Variants in RBFOX1 observed in about 807,000 individuals in gnomAD.
RBFOX1 encodes the protein RNA binding protein fox-1 homolog 1.
In RBFOX1, 8 loss-of-function variants were observed where a neutral mutation model predicts 57.7. That is an observed-to-expected ratio of 0.14 (90% CI 0.08 to 0.25). The LOEUF is 0.25. Ranked by LOEUF, RBFOX1 falls within the 10% of genes least tolerant of loss-of-function variation. The probability of loss-of-function intolerance (pLI) is 1.00; values close to 1 mark genes in which losing one functional copy is unlikely to be tolerated. For missense variants in RBFOX1, 611 were observed against 548.5 expected, an observed-to-expected ratio of 1.11 and a Z score of -1.14; for synonymous variants, 326 against 222.4, an observed-to-expected ratio of 1.47 and a Z score of -4.15.
At chr16:6,218,810 TTAAGCTTA>T (rs1477282400) in intron 1 of RBFOX1, among the ~76,000 whole-genome samples, 1 of 151,380 alleles carries the variant, frequency 6.6e-6, no homozygotes, top group African/African-American at 2.4e-5. Context: ...GGAATCTCAG[TTAAGCTTA>T]TTAGTTAAGT....
intron 2 of RBFOX1, among the ~76,000 whole-genome samples, chr16:5,591,557 G>C (rs1049113150): frequency 2.0e-5 from 3 of 152,118 alleles, no homozygotes; most frequent in Admixed American, 2.0e-4. Context: ...GGTCCAAAAT[G>C]AGCCTTTTAA....
intron 4 of RBFOX1, among the ~76,000 whole-genome samples, chr16:7,413,364 C>T (rs150211909): frequency 4.1e-4 from 62 of 152,172 alleles, no homozygotes; most frequent in Non-Finnish European, 7.1e-4. Context: ...GGGTCCCACA[C>T]ATCCCTGAAT....
At chr16:7,447,208 G>A (rs978691766) in intron 4 of RBFOX1, among the ~76,000 whole-genome samples, 1 of 151,876 alleles carries the variant, frequency 6.6e-6, no homozygotes, top group South Asian at 2.1e-4. Flanking sequence ...AAGGCTGGCA[G>A]ATTAATTGAG....
At chr16:5,979,437 A>T (rs1219164529) in intron 4 of RBFOX1, among the ~76,000 whole-genome samples, 1 of 152,226 alleles carries the variant, frequency 6.6e-6, no homozygotes, top group East Asian at 1.9e-4. Context: ...CAATGTGATT[A>T]GTGACTGTTG....
intron 4 of RBFOX1, among the ~76,000 whole-genome samples, chr16:7,511,667 C>G (rs1223164118): frequency 6.6e-6 from 1 of 151,684 alleles, no homozygotes; most frequent in Non-Finnish European, 1.5e-5. Context: ...TTTTAATAAT[C>G]CTTTTGCTCT....
At chr16:6,082,347 A>ATTTTTTTTTTTTTTTT (rs71142677) in intron 1 of RBFOX1, among the ~76,000 whole-genome samples, 14 of 41,040 alleles carry the variant, frequency 3.4e-4, no homozygotes, top group Admixed American at 9.3e-4. Context: ...CACCTGGCTA[A>ATTTTTTTTTTTTTTTT]TTTTTTTTTT....
chr16:7,505,657 C>A (rs2151938631), intron 4 of RBFOX1, among the ~76,000 whole-genome samples: 1 of 152,258 alleles, frequency 6.6e-6, no homozygotes, highest in African/African-American at 2.4e-5. Flanking sequence ...GCAAACATGA[C>A]ACCTCCTCAC....
intron 4 of RBFOX1, among the ~76,000 whole-genome samples, chr16:7,430,659 C>CAAAA (rs35088351): frequency 1.4e-5 from 2 of 138,784 alleles, no homozygotes; most frequent in East Asian, 2.1e-4. Flanking sequence ...GACTCCATCT[C>CAAAA]AAAAAAAAAA....
intron 4 of RBFOX1, among the ~76,000 whole-genome samples, chr16:7,516,843 T>C (rs908054434): frequency 1.5e-4 from 23 of 152,328 alleles, no homozygotes; most frequent in African/African-American, 5.5e-4. Flanking sequence ...ACTTTTTTTT[T>C]TTCCTCTCTT....
rs189447561 is a variant in RBFOX1 at position 6,563,837 on chromosome 16, T to A, written c.-63-90766T>A. On this transcript the variant is annotated intron_variant, in intron 2 of 15. Coordinates refer to ENST00000550418, the MANE Select transcript of RBFOX1 (RefSeq NM_018723.4). ...TGGGATCCTGTCTCCAAAAAAAAAA[T>A]ATATATATATGTGTGTGTGTGTGTG... Among the ~76,000 whole-genome samples the A allele has an allele frequency of 8.3e-3, 1,246 of 149,376 alleles. 8 individuals carry two copies. Among genetic ancestry groups the A allele is most frequent in the Middle Eastern group, 0.014 (4 of 292 alleles).
At chr16:5,816,149 C>T (rs1274607615) in intron 3 of RBFOX1, among the ~76,000 whole-genome samples, 2 of 152,124 alleles carry the variant, frequency 1.3e-5, no homozygotes, top group South Asian at 2.1e-4. Flanking sequence ...CAGCATTAAC[C>T]CCCAGTGGCT....
At chr16:6,378,244 G>C (rs1200771060) in intron 2 of RBFOX1, among the ~76,000 whole-genome samples, 1 of 152,174 alleles carries the variant, frequency 6.6e-6, no homozygotes, top group Non-Finnish European at 1.5e-5. Context: ...CGCACACTCG[G>C]GCACAGCTGC....
intron 3 of RBFOX1, among the ~76,000 whole-genome samples, chr16:5,682,292 G>A (rs752126907): frequency 6.6e-6 from 1 of 152,202 alleles, no homozygotes; most frequent in Non-Finnish European, 1.5e-5. Flanking sequence ...CCCCTTTGTG[G>A]TGGGGTGGGA....
At chr16:5,932,803 C>A (rs112547777) in intron 4 of RBFOX1, among the ~76,000 whole-genome samples, 1 of 151,998 alleles carries the variant, frequency 6.6e-6, no homozygotes, top group African/African-American at 2.4e-5. Context: ...CACGTGACCT[C>A]GGGTGCTTGG....
At chr16:7,692,558 G>C (rs1477211802) in intron 14 of RBFOX1, among the ~76,000 whole-genome samples, 1 of 152,100 alleles carries the variant, frequency 6.6e-6, no homozygotes, top group Non-Finnish European at 1.5e-5. Context: ...TACGAACCTA[G>C]CCAACCTCAT....
rs1388188472 is a variant in RBFOX1 at position 6,019,435 on chromosome 16, C to G, written c.-684C>G. ...CGGACGGCGGACGGAGCCCAGGGGCCGCGTCGGGTGGGGAAACCCGAACTC... is the reference window on the plus strand; with the variant it reads ...CGGACGGCGGACGGAGCCCAGGGGCGGCGTCGGGTGGGGAAACCCGAACTC... On this transcript the variant is annotated 5_prime_UTR_variant, in exon 1 of 16. Transcript: ENST00000550418. The surrounding 1 kb of genome is among the most constrained non-coding windows in gnomAD (Gnocchi z 4.2). 6 of 988,742 alleles carry G rather than the reference C, an allele frequency of 6.1e-6. No homozygotes were observed. The highest frequency in any genetic ancestry group is 1.7e-5 in the African/African-American group (1 of 57,348). 61.2% of individuals were successfully genotyped at this position (988,742 alleles called of 1,614,324 possible).
chr16:7,104,173 T>C (rs1294263238), intron 4 of RBFOX1, among the ~76,000 whole-genome samples: 1 of 152,144 alleles, frequency 6.6e-6, no homozygotes, highest in Non-Finnish European at 1.5e-5. Flanking sequence ...CAAAGTAGCA[T>C]TGATTTGTTA....
intron 3 of RBFOX1, among the ~76,000 whole-genome samples, chr16:6,874,983 C>T (rs1256901800): frequency 1.3e-5 from 2 of 152,114 alleles, no homozygotes; most frequent in Admixed American, 6.5e-5. Flanking sequence ...ACCCATGTTA[C>T]TAATCTTAAA....
chr16:5,557,587 G>T (rs891415092), intron 2 of RBFOX1, among the ~76,000 whole-genome samples: 2 of 152,200 alleles, frequency 1.3e-5, no homozygotes, highest in Admixed American at 6.5e-5. Flanking sequence ...GCATGAGAAG[G>T]AAGCAGACAT....
Sources: gnomAD v4.1 joint callset for allele counts (sites outside exome capture counted in the v4.1 genomes callset) on GRCh38, gnomAD v4.1.1 for gene constraint, Gnocchi (gnomAD v3.1) non-coding constraint, MANE v1.5 for transcripts, NCBI Gene and HGNC (gene_info 2026-07-23, HGNC 2026-07-21) for gene names.